HYCC1: variants seen among roughly 807,000 people sequenced by gnomAD.
HYCC1 encodes the protein hyccin PI4KA lipid kinase complex subunit 1, also known as hyccin.
chr7:22,923,949 G>T, the HYCC1 span, among the ~76,000 whole-genome samples: 1 of 144,882 alleles, frequency 6.9e-6, no homozygotes, highest in African/African-American at 2.6e-5. Flanking sequence ...TTGAGGTCAG[G>T]AGTTCAAGAT....
chr7:22,946,231 A>C, the HYCC1 span: 1 of 1,258,932 alleles, frequency 7.9e-7, no homozygotes, highest in Non-Finnish European at 1.1e-6. Flanking sequence ...AATGATTAAC[A>C]CCAAATCAGT....
the HYCC1 span, among the ~76,000 whole-genome samples, chr7:22,994,774 G>T: frequency 6.6e-6 from 1 of 152,056 alleles, no homozygotes; most frequent in Non-Finnish European, 1.5e-5. Context: ...CACCACCACT[G>T]TCTGCTTTAG....
At chr7:22,997,763 G>C in the HYCC1 span, among the ~76,000 whole-genome samples, 2 of 152,126 alleles carry the variant, frequency 1.3e-5, no homozygotes, top group Non-Finnish European at 2.9e-5. Flanking sequence ...CATAGTAAGA[G>C]AGGTTTGGGA....
At chr7:23,002,285 G>T in the HYCC1 span, among the ~76,000 whole-genome samples, 1 of 151,358 alleles carries the variant, frequency 6.6e-6, no homozygotes, top group East Asian at 1.9e-4. Context: ...ACAGCAATGG[G>T]CATGTAAAAG....
the HYCC1 span, among the ~76,000 whole-genome samples, chr7:22,933,821 GT>G: frequency 1.3e-5 from 2 of 152,090 alleles, no homozygotes; most frequent in South Asian, 2.1e-4. Flanking sequence ...ATCTGTGGAT[GT>G]TTTTATTGCC....
At chr7:22,991,168 G>T in the HYCC1 span, 1 of 1,390,752 alleles carries the variant, frequency 7.2e-7, no homozygotes, top group Non-Finnish European at 1.0e-6. Context: ...AAATGTTAAC[G>T]TTTTGAATAT....
At chr7:23,007,604 G>A in the HYCC1 span, among the ~76,000 whole-genome samples, 1 of 152,078 alleles carries the variant, frequency 6.6e-6, no homozygotes, top group Non-Finnish European at 1.5e-5. Flanking sequence ...AACATGGAAA[G>A]CTTCTCTCTC....
At chr7:22,925,706 T>C in the HYCC1 span, among the ~76,000 whole-genome samples, 141 of 152,338 alleles carry the variant, frequency 9.3e-4, no homozygotes, top group African/African-American at 3.2e-3. Context: ...CTACATCTAA[T>C]TGGTGTATCT....
chr7:22,907,700 A>G, the HYCC1 span, among the ~76,000 whole-genome samples: 36 of 152,136 alleles, frequency 2.4e-4, no homozygotes, highest in Non-Finnish European at 4.6e-4. Context: ...ACTTGATGTC[A>G]GGAGTTTGAG....
chr7:22,997,913 A>G, the HYCC1 span, among the ~76,000 whole-genome samples: 1 of 152,190 alleles, frequency 6.6e-6, no homozygotes. Context: ...CCCCAAGGAC[A>G]AATAAGATCA....
At chr7:23,000,776 C>G in the HYCC1 span, among the ~76,000 whole-genome samples, 1 of 151,998 alleles carries the variant, frequency 6.6e-6, no homozygotes, top group African/African-American at 2.4e-5. Context: ...TGAATAATCC[C>G]TCTTAGAAGG....
chr7:22,926,184 A>G, the HYCC1 span, among the ~76,000 whole-genome samples: 10 of 152,088 alleles, frequency 6.6e-5, no homozygotes, highest in Non-Finnish European at 8.8e-5. Context: ...TGAAGGAAGC[A>G]CTAAACATGG....
chr7:22,938,907 T>A, the HYCC1 span: 1 of 152,182 alleles, frequency 6.6e-6, no homozygotes, highest in Non-Finnish European at 1.5e-5. Context: ...AATTTCCTAA[T>A]GCAGGCTGTC....
At chr7:22,901,160 G>A in the HYCC1 span, among the ~76,000 whole-genome samples, 2 of 135,438 alleles carry the variant, frequency 1.5e-5, no homozygotes, top group South Asian at 2.3e-4. Context: ...AGTTGAGGGG[G>A]CAGTAAGCCA....
the HYCC1 span, among the ~76,000 whole-genome samples, chr7:22,924,819 G>C: frequency 6.6e-6 from 1 of 152,260 alleles, no homozygotes; most frequent in African/African-American, 2.4e-5. Flanking sequence ...CTGTCTGACA[G>C]CTTTGAAGAG....
chr7:22,931,813 T>G, the HYCC1 span, among the ~76,000 whole-genome samples: 1 of 152,198 alleles, frequency 6.6e-6, no homozygotes, highest in Admixed American at 6.5e-5. Flanking sequence ...GACTGAATTG[T>G]GTTCTAGATT....
chr7:22,909,928 C>T, the HYCC1 span, among the ~76,000 whole-genome samples: 1 of 152,204 alleles, frequency 6.6e-6, no homozygotes, highest in African/African-American at 2.4e-5. Context: ...TTTGCATTCT[C>T]AGTACCCAGC....
the HYCC1 span, among the ~76,000 whole-genome samples, chr7:22,898,589 CTTTTCTTTTCTTTTCT>C: frequency 7.8e-4 from 44 of 56,670 alleles, no homozygotes; most frequent in Admixed American, 1.9e-3. Flanking sequence ...CTTTTCTTTT[CTTTTCTTTTCTTTTCT>C]TTTTTTTTTT....
At chr7:22,978,086 A>G in the HYCC1 span, 1 of 622,224 alleles carries the variant, frequency 1.6e-6, no homozygotes, top group Admixed American at 2.8e-5. Flanking sequence ...AAGGTAAGTT[A>G]CATAATTACA....
Sources: gnomAD v4.1 joint callset for allele counts (sites outside exome capture counted in the v4.1 genomes callset) on GRCh38, gnomAD v4.1.1 for gene constraint, MANE v1.5 for transcripts, NCBI Gene and HGNC (gene_info 2026-07-23, HGNC 2026-07-21) for gene names.